The following ANKRD33B variants were observed in gnomAD, a reference collection of about 807,000 sequenced individuals.
The protein encoded by ANKRD33B is ankyrin repeat domain 33B.
A neutral mutation model predicts 21.5 loss-of-function variants in ANKRD33B; 6 were observed. The ratio of observed to expected loss-of-function variants is 0.28; its 90% CI spans 0.15 to 0.55. The LOEUF (loss-of-function observed/expected upper bound fraction) is 0.55. ANKRD33B is among the 20% of genes least tolerant of loss of function. The pLI, the probability that ANKRD33B is intolerant of heterozygous loss-of-function variation, is 0.94. For missense variants in ANKRD33B, 698 were observed against 747.2 expected, an observed-to-expected ratio of 0.93 and a Z score of 0.77; for synonymous variants, 347 against 342.4, an observed-to-expected ratio of 1.01 and a Z score of -0.15.
At chr5:10,601,698 C>A (rs1446170082) in intron 1 of ANKRD33B, among the ~76,000 whole-genome samples, 1 of 152,240 alleles carries the variant, frequency 6.6e-6, no homozygotes, top group African/African-American at 2.4e-5. Flanking sequence ...CAGCTGAAAG[C>A]GGTGCAGCCC....
rs1333745722 is a variant in ANKRD33B, at chr5:10,605,740, G to A, written c.367-12593G>A. ...GACAGGGTTTCACCATGTTGGCCAG[G>A]CTGGTCTCGAACATCTGACCTCAGG... On this transcript the variant is annotated intron_variant, in intron 1 of 3. Coordinates refer to ENST00000296657, the MANE Select transcript of ANKRD33B (RefSeq NM_001164440.2). 3.3e-5 allele frequency among the ~76,000 whole-genome samples: 5 copies of A among 152,126 alleles called. No individual in the cohort carries two copies. In the East Asian group the frequency reaches 7.7e-4, roughly 24 times the overall value.
At chr5:10,594,587 A>G (rs1446860674) in intron 1 of ANKRD33B, among the ~76,000 whole-genome samples, 2 of 152,272 alleles carry the variant, frequency 1.3e-5, no homozygotes, top group South Asian at 2.1e-4. Context: ...TGCCGAGGGC[A>G]CATGTTCTGG....
chr5:10,613,798 G>A (rs1033019735), intron 1 of ANKRD33B, among the ~76,000 whole-genome samples: 14 of 151,858 alleles, frequency 9.2e-5, no homozygotes, highest in Non-Finnish European at 1.8e-4. Flanking sequence ...TACTTAGCAA[G>A]CTGAGGCAGG....
At chr5:10,638,235 A>G (rs1408105812) in intron 3 of ANKRD33B, 67 bp downstream of exon 3, 31 of 1,489,524 alleles carry the variant, frequency 2.1e-5, no homozygotes, top group Non-Finnish European at 2.8e-5. Context: ...TTTATGGAAT[A>G]TGTTTTGAGA....
chr5:10,645,010 G>C (rs1323860039), intron 3 of ANKRD33B, among the ~76,000 whole-genome samples: 1 of 152,234 alleles, frequency 6.6e-6, no homozygotes, highest in Admixed American at 6.5e-5. Flanking sequence ...TCGCAGAGAT[G>C]CTGGGAAGTT....
Position 10,598,503 on chromosome 5 carries a change from A to G in ANKRD33B, c.367-19830A>G, listed in dbSNP as rs142928075. Among the ~76,000 whole-genome samples the G allele has an allele frequency of 6.6e-3, 1,007 of 152,228 alleles. 9 individuals carry two copies. The highest frequency in any genetic ancestry group is 0.023 in the African/African-American group (949 of 41,540). The stretch of plus-strand genomic sequence containing the variant: ...CCTGGTCTCGAACACCTGACCTCAG[A>G]TCATCCATCCGCCTCGGCCTCCCAA... On this transcript the variant is annotated intron_variant, in intron 1 of 3. Coordinates refer to ENST00000296657, the MANE Select transcript of ANKRD33B (RefSeq NM_001164440.2).
At chr5:10,570,714 G>A (rs992405722) in intron 1 of ANKRD33B, among the ~76,000 whole-genome samples, 2 of 151,800 alleles carry the variant, frequency 1.3e-5, no homozygotes, top group African/African-American at 4.8e-5. Flanking sequence ...ACACCTCCAC[G>A]CCAGGCTAAT....
At chr5:10,592,921 A>T (rs1735728674) in intron 1 of ANKRD33B, among the ~76,000 whole-genome samples, 1 of 151,746 alleles carries the variant, frequency 6.6e-6, no homozygotes, top group Admixed American at 6.6e-5. Context: ...ATCCTTTTTC[A>T]TATGTATTCT....
chr5:10,625,700 T>C (rs140471528), intron 2 of ANKRD33B, among the ~76,000 whole-genome samples: 1 of 152,332 alleles, frequency 6.6e-6, no homozygotes, highest in African/African-American at 2.4e-5. Flanking sequence ...TAAATATTTG[T>C]TGGAAAAGAG....
At chr5:10,649,136 G>A (rs1737257536) in intron 3 of ANKRD33B, 130 bp from the exon 4 acceptor site, 3 of 1,416,938 alleles carry the variant, frequency 2.1e-6, no homozygotes, top group Non-Finnish European at 2.8e-6. Context: ...TGAACTAGGT[G>A]CAGTCTGTTA....
intron 1 of ANKRD33B, among the ~76,000 whole-genome samples, chr5:10,612,326 A>G (rs2126577374): frequency 6.6e-6 from 1 of 152,316 alleles, no homozygotes; most frequent in East Asian, 1.9e-4. Flanking sequence ...CATAGACAGC[A>G]CCTTCTTACT....
chr5:10,625,056 C>T (rs751047537), intron 2 of ANKRD33B: 22 of 302,360 alleles, frequency 7.3e-5, no homozygotes, highest in East Asian at 1.7e-4. Context: ...ACAGACCCCA[C>T]GAGAGATGTT....
chr5:10,595,824 C>A (rs1560968181), intron 1 of ANKRD33B, among the ~76,000 whole-genome samples: 2 of 152,168 alleles, frequency 1.3e-5, no homozygotes, highest in Non-Finnish European at 2.9e-5. Flanking sequence ...GATTACGACT[C>A]TGGAAATCTC....
At chr5:10,615,396 A>G (rs1398127534) in intron 1 of ANKRD33B, among the ~76,000 whole-genome samples, 1 of 152,252 alleles carries the variant, frequency 6.6e-6, no homozygotes, top group Non-Finnish European at 1.5e-5. Context: ...TTTTCATTGC[A>G]GGTTTTACTC....
In ANKRD33B at chr5:10,649,977, G is replaced by A. The variant is rs1737300405; in HGVS notation, c.1349G>A (p.Ser450Asn). Residue 450 changes from serine to asparagine, a missense_variant, in exon 4 of 4, where the codon AGC becomes AAC. Physicochemically the swap from Ser to Asn is conservative, Grantham distance 46. This residue lies in a region of ANKRD33B where 543 missense variants were observed against 566.5 expected (regional missense o/e 0.96). Transcript: ENST00000296657. ...GCGCGGAAGGGCAGCACCAAGGACAGCGGCCACCTGCAGATCCCCAAGTGG... is the reference window on the plus strand; with the variant it reads ...GCGCGGAAGGGCAGCACCAAGGACAACGGCCACCTGCAGATCCCCAAGTGG... Reference protein sequence around the residue: ...RPARKGSTKDSGHLQIPKWRY... With the variant: ...RPARKGSTKDNGHLQIPKWRY... 6.5e-7 allele frequency: 1 copy of A among 1,533,482 alleles called. No homozygotes were observed. The highest frequency in any genetic ancestry group is 8.7e-7 in the Non-Finnish European group (1 of 1,144,888). 95.0% of individuals were successfully genotyped at this position (1,533,482 alleles called of 1,614,324 possible).
intron 2 of ANKRD33B, among the ~76,000 whole-genome samples, chr5:10,636,600 AAG>A (rs997650183): frequency 2.0e-5 from 3 of 152,296 alleles, no homozygotes; most frequent in Admixed American, 1.3e-4. Context: ...GTGAGTGACA[AAG>A]AGAGACTCCA....
At chr5:10,566,448 A>C (rs1735061755) in intron 1 of ANKRD33B, among the ~76,000 whole-genome samples, 1 of 152,148 alleles carries the variant, frequency 6.6e-6, no homozygotes, top group Non-Finnish European at 1.5e-5. Context: ...GGCCCGCTTT[A>C]AAGGAAGCCT....
Position 10,649,445 on chromosome 5 carries a change from C to T in ANKRD33B, c.817C>T (p.Pro273Ser). 1 of 1,535,006 alleles carries T rather than the reference C, an allele frequency of 6.5e-7. No individual in the cohort carries two copies. ...LPPPPEAARKPAGSKNCLQRL... is the reference protein window; with the variant it reads ...LPPPPEAARKSAGSKNCLQRL... ...GCCGCCCCCTGAAGCGGCGCGGAAG[C>T]CCGCGGGCTCCAAGAACTGCCTGCA... is the stretch of plus-strand genomic sequence containing the variant. The change falls in exon 4 of 4, where the codon CCC becomes TCC. Residue 273 changes from proline to serine, a missense_variant. Around this residue, in one of 3 missense-constraint regions of ANKRD33B, gnomAD observed 543 missense variants for 566.5 expected, o/e 0.96. Transcript: ENST00000296657.
intron 2 of ANKRD33B, among the ~76,000 whole-genome samples, chr5:10,636,569 A>T (rs1469501335): frequency 1.3e-5 from 2 of 152,180 alleles, no homozygotes; most frequent in Non-Finnish European, 2.9e-5. Context: ...GTGAGCTATG[A>T]TCGTGCTCCT....
Sources: allele counts gnomAD v4.1 joint callset (sites outside exome capture counted in the v4.1 genomes callset), GRCh38; gene constraint gnomAD v4.1.1; regional missense constraint gnomAD v4.1.1; transcripts MANE v1.5; gene names NCBI Gene and HGNC (gene_info 2026-07-23, HGNC 2026-07-21).